The following SPHKAP variants were observed in gnomAD, a reference collection of about 807,000 sequenced individuals.
SPHKAP encodes SPHK1 interactor, AKAP domain containing.
Under a neutral mutation model 137.5 loss-of-function variants are expected in SPHKAP, and 67 were observed. The ratio of observed to expected loss-of-function variants is 0.49; its 90% CI spans 0.40 to 0.60. The LOEUF (loss-of-function observed/expected upper bound fraction) is 0.60. Among genes scored for constraint, SPHKAP ranks in the 20% least tolerant of loss-of-function variants. The pLI is 0.00. For synonymous variants in SPHKAP, 813 were observed against 785.3 expected (o/e 1.04, Z -0.59); for missense variants, 2,097 against 2,069.3 (o/e 1.01, Z -0.26).
chr2:228,027,492 G>A lies in SPHKAP; in HGVS notation c.298C>T (p.Leu100=). ...VNKDECSTEH[L]QQKLVNVSPD... is the part of the protein sequence containing the mutation. ...TGAGTTTCAAATGTTACCTGTTGCA[G>A]GTGCTCTGTGCTGCATTCATCCTTG... is the stretch of plus-strand genomic sequence containing the variant. Residue 100 remains leucine (L), a synonymous_variant, in exon 4 of 12, where the codon CTG becomes TTG. Coordinates refer to ENST00000392056, the MANE Select transcript of SPHKAP (RefSeq NM_001142644.2). 3.1e-6 allele frequency: 5 copies of A among 1,613,928 alleles called. No individual in the cohort carries two copies. Among genetic ancestry groups the A allele is most frequent in the Non-Finnish European group, 4.2e-6 (5 of 1,179,890 alleles).
Position 228,021,896 on chromosome 2 carries a change from A to T in SPHKAP, c.512T>A (p.Ile171Asn). The change falls in exon 6 of 12, where the codon ATC becomes AAC. Residue 171 changes from isoleucine to asparagine, a missense_variant. Coordinates refer to ENST00000392056, the MANE Select transcript of SPHKAP (RefSeq NM_001142644.2). ...CAGAAATTTGTTGATTTCAAAGATGATGCAGTTGGTACTGTTTGGTCTGTT... is the reference window on the plus strand; with the variant it reads ...CAGAAATTTGTTGATTTCAAAGATGTTGCAGTTGGTACTGTTTGGTCTGTT... ...RGNRPNSTNC[I>N]IFEINKFLIG... 1 of 1,614,174 alleles carries T rather than the reference A, an allele frequency of 6.2e-7. No homozygotes were observed. The highest frequency in any genetic ancestry group is 8.5e-7 in the Non-Finnish European group (1 of 1,179,998).
intron 3 of SPHKAP, among the ~76,000 whole-genome samples, chr2:228,097,613 A>G (rs1183270483): frequency 6.6e-6 from 1 of 152,148 alleles, no homozygotes; most frequent in Non-Finnish European, 1.5e-5. Flanking sequence ...TGACCCAGGT[A>G]TTGCACATAG....
intron 3 of SPHKAP, among the ~76,000 whole-genome samples, chr2:228,070,026 T>C (rs769248795): frequency 3.3e-5 from 5 of 152,210 alleles, no homozygotes; most frequent in African/African-American, 7.2e-5. Context: ...GGGGGACTTA[T>C]CTGTCCATTT....
chr2:228,072,388 G>C (rs983728374), intron 3 of SPHKAP, among the ~76,000 whole-genome samples: 6 of 152,032 alleles, frequency 3.9e-5, no homozygotes, highest in East Asian at 1.9e-4. Flanking sequence ...ATTCAAGAAG[G>C]TGGGAACCCG....
intron 5 of SPHKAP, among the ~76,000 whole-genome samples, chr2:228,024,342 G>GTTT (rs56031418): frequency 0.031 from 3,829 of 124,484 alleles, 72 homozygotes; most frequent in Admixed American, 0.044. Context: ...TGCAGAGGCA[G>GTTT]TTTTTTTTTT....
At chr2:227,982,292 G>A (rs1415356567) in intron 11 of SPHKAP, 11 of 985,178 alleles carry the variant, frequency 1.1e-5, no homozygotes, top group Non-Finnish European at 1.3e-5. Context: ...AATAAATCAA[G>A]TGGTAAACTT....
At chr2:228,080,338 T>C (rs1397509213) in intron 3 of SPHKAP, among the ~76,000 whole-genome samples, 3 of 152,182 alleles carry the variant, frequency 2.0e-5, no homozygotes, top group African/African-American at 4.8e-5. Flanking sequence ...TTTGTCAAAA[T>C]AAGACATACA....
intron 3 of SPHKAP, among the ~76,000 whole-genome samples, chr2:228,080,527 C>A (rs1697328698): frequency 6.6e-6 from 1 of 151,886 alleles, no homozygotes; most frequent in Admixed American, 6.6e-5. Context: ...GCCAACATGG[C>A]AAACCCCATC....
chr2:227,983,134 G>A (rs548562964), intron 11 of SPHKAP, among the ~76,000 whole-genome samples: 21 of 151,842 alleles, frequency 1.4e-4, no homozygotes, highest in Non-Finnish European at 1.3e-4. Flanking sequence ...TTATTTTTTG[G>A]TATTTGTTTG....
rs763857178 is a variant in SPHKAP at position 228,067,318 on chromosome 2, TA to T, written c.247-39776del. 5.3e-5 allele frequency among the ~76,000 whole-genome samples: 8 copies of T among 152,304 alleles called. No individual in the cohort carries two copies. In the South Asian group the frequency reaches 1.2e-3, roughly 24 times the overall value. ...AATTGCAACATAAATAGATCTATTT[TA>T]AAAAAATTATGCAATGAAAGAAAAC... On this transcript the variant is annotated intron_variant, in intron 3 of 11. Coordinates refer to ENST00000392056, the MANE Select transcript of SPHKAP (RefSeq NM_001142644.2).
chr2:228,147,370 T>A (rs760478741), intron 1 of SPHKAP, among the ~76,000 whole-genome samples: 18 of 152,200 alleles, frequency 1.2e-4, no homozygotes, highest in Non-Finnish European at 2.1e-4. Context: ...TTTCTGTTTT[T>A]TAAAAATCAA....
rs1378483353 is a variant in SPHKAP, at chr2:228,106,248, G to A, written c.246+2584C>T. Among the ~76,000 whole-genome samples, 3 of 152,140 alleles carry A rather than the reference G, an allele frequency of 2.0e-5. No homozygotes were observed. The East Asian group carries it at 5.8e-4, about 29-fold the overall frequency. On this transcript the variant is annotated intron_variant, in intron 3 of 11. Transcript: ENST00000392056. ...GAAACTTTGCTACCTCTAACATACT[G>A]AGATCAAAGAAACCACACATCTAAA...
chr2:228,018,993 T>G lies in SPHKAP; in HGVS notation c.1861A>C (p.Lys621Gln). ...CTTGTTAAAACCAGAGCAGCCTCCT[T>G]GAGCAATCCCTTGGCAATGGCTTCC... ...GKEAIAKGLL[K>Q]EAALVLTRPN... Residue 621 changes from lysine to glutamine, a missense_variant, in exon 7 of 12, where the codon AAG becomes CAG. Coordinates refer to ENST00000392056, the MANE Select transcript of SPHKAP (RefSeq NM_001142644.2). 3 of 1,614,032 alleles carry G rather than the reference T, an allele frequency of 1.9e-6. No homozygotes were observed. The highest frequency in any genetic ancestry group is 2.5e-6 in the Non-Finnish European group (3 of 1,179,942).
Position 228,023,925 on chromosome 2 carries a change from C to A in SPHKAP, c.441+1469G>T, listed in dbSNP as rs75606695. Among the ~76,000 whole-genome samples, 216 of 152,252 alleles carry A rather than the reference C, an allele frequency of 1.4e-3. 2 individuals are homozygous for A. The highest frequency in any genetic ancestry group is 2.5e-3 in the Non-Finnish European group (171 of 68,014). On this transcript the variant is annotated intron_variant, in intron 5 of 11. Coordinates refer to ENST00000392056, the MANE Select transcript of SPHKAP (RefSeq NM_001142644.2). ...GAGCCAATAGGATGCAATGAGACTT[C>A]TGCTGAAAACCACCTGGAAATGACG...
At chr2:228,078,375 G>A (rs543252122) in intron 3 of SPHKAP, among the ~76,000 whole-genome samples, 24 of 149,616 alleles carry the variant, frequency 1.6e-4, no homozygotes, top group African/African-American at 5.4e-4. Context: ...ACAGATGTTG[G>A]CAGACTTTTT....
At chr2:228,085,354 A>T (rs961477336) in intron 3 of SPHKAP, among the ~76,000 whole-genome samples, 1 of 152,200 alleles carries the variant, frequency 6.6e-6, no homozygotes, top group Non-Finnish European at 1.5e-5. Context: ...TCATCCATGG[A>T]TTTCTGGTTG....
At chr2:228,165,810 G>A (rs1427022664) in intron 1 of SPHKAP, among the ~76,000 whole-genome samples, 2 of 152,166 alleles carry the variant, frequency 1.3e-5, no homozygotes, top group Non-Finnish European at 2.9e-5. Context: ...TTAGTTTCCA[G>A]TAAAGTTCTC....
intron 1 of SPHKAP, among the ~76,000 whole-genome samples, chr2:228,172,564 G>A (rs1013907770): frequency 2.6e-5 from 4 of 152,198 alleles, no homozygotes; most frequent in African/African-American, 9.6e-5. Context: ...ACAAGCCAAT[G>A]CAAAGCCTAT....
intron 11 of SPHKAP, 167 bp downstream of exon 11, chr2:227,990,833 T>G (rs986976847): frequency 5.8e-6 from 4 of 692,132 alleles, no homozygotes; most frequent in Non-Finnish European, 9.5e-6. Context: ...CTAAGTATAT[T>G]ATATTTACAC....
Sources: gnomAD v4.1 joint callset for allele counts (sites outside exome capture counted in the v4.1 genomes callset) on GRCh38, gnomAD v4.1.1 for gene constraint, MANE v1.5 for transcripts, NCBI Gene and HGNC (gene_info 2026-07-23, HGNC 2026-07-21) for gene names.